SERINC5: variants seen among roughly 807,000 people sequenced by gnomAD.
SERINC5 encodes serine incorporator 5.
Under a neutral mutation model 63.1 loss-of-function variants are expected in SERINC5, and 41 were observed. The ratio of observed to expected loss-of-function variants is 0.65; its 90% CI spans 0.51 to 0.84. The LOEUF is 0.84. Ranked by LOEUF, SERINC5 falls within the 40% of genes least tolerant of loss-of-function variation. The probability of loss-of-function intolerance (pLI) is 0.00; values close to 1 mark genes in which losing one functional copy is unlikely to be tolerated. For missense variants in SERINC5, 523 were observed against 573.0 expected (o/e 0.91, Z 0.89); for synonymous variants, 222 against 215.2 (o/e 1.03, Z -0.28).
chr5:80,210,988 A>G (rs570179578), intron 1 of SERINC5, among the ~76,000 whole-genome samples: 1 of 152,316 alleles, frequency 6.6e-6, no homozygotes, highest in South Asian at 2.1e-4. Flanking sequence ...ACCATCTGCC[A>G]CAGGCATGGA....
intron 1 of SERINC5, among the ~76,000 whole-genome samples, chr5:80,231,445 T>A (rs1751434487): frequency 6.6e-6 from 1 of 152,188 alleles, no homozygotes; most frequent in Non-Finnish European, 1.5e-5. Context: ...ACTGCAGGCC[T>A]TTGTTACTTA....
At chr5:80,115,443 T>C (rs1374548923) in intron 11 of SERINC5, among the ~76,000 whole-genome samples, 1 of 152,088 alleles carries the variant, frequency 6.6e-6, no homozygotes, top group Non-Finnish European at 1.5e-5. Flanking sequence ...TCAATCTTTT[T>C]TGAATTCTCA....
At chr5:80,207,945 CT>C (rs1423638489) in intron 1 of SERINC5, among the ~76,000 whole-genome samples, 1 of 152,144 alleles carries the variant, frequency 6.6e-6, no homozygotes, top group Non-Finnish European at 1.5e-5. Flanking sequence ...AGGAGCATAC[CT>C]TTGAATAAAA....
chr5:80,182,170 C>T (rs994387604), intron 2 of SERINC5, among the ~76,000 whole-genome samples: 2 of 152,116 alleles, frequency 1.3e-5, no homozygotes, highest in Admixed American at 1.3e-4. Context: ...TAGCTGGTGG[C>T]TTTTGTAACT....
chr5:80,116,026 A>C (rs1289567622), intron 11 of SERINC5: 2 of 298,242 alleles, frequency 6.7e-6, no homozygotes, highest in Non-Finnish European at 6.5e-6. Context: ...AGAAATCAAC[A>C]ATCAGGCCTC....
intron 1 of SERINC5, among the ~76,000 whole-genome samples, chr5:80,223,311 T>C (rs143396101): frequency 6.6e-6 from 1 of 152,340 alleles, no homozygotes; most frequent in East Asian, 1.9e-4. Context: ...TTGCATATAA[T>C]CTATGCATAT....
At chr5:80,112,131 C>T (rs1256788483) in intron 12 of SERINC5, among the ~76,000 whole-genome samples, 3 of 152,092 alleles carry the variant, frequency 2.0e-5, no homozygotes, top group Non-Finnish European at 2.9e-5. Context: ...GCCCGACACC[C>T]GTGAAGGGTC....
chr5:80,126,694 T>G (rs993789438), intron 11 of SERINC5, among the ~76,000 whole-genome samples: 1 of 152,222 alleles, frequency 6.6e-6, no homozygotes, highest in African/African-American at 2.4e-5. Flanking sequence ...CTGCCTTTTT[T>G]GTACAAATGA....
chr5:80,243,073 C>T (rs768503897), intron 1 of SERINC5, among the ~76,000 whole-genome samples: 3 of 152,196 alleles, frequency 2.0e-5, no homozygotes, highest in African/African-American at 4.8e-5. Context: ...CGATCTCAGT[C>T]GTGGGCTTTT....
At chr5:80,203,349 G>A (rs946564702) in intron 1 of SERINC5, 44 of 150,518 alleles carry the variant, frequency 2.9e-4, no homozygotes, top group East Asian at 1.8e-3. Context: ...ATACACACAT[G>A]CACATATACA....
At chr5:80,245,410 C>T (rs752708350) in intron 1 of SERINC5, among the ~76,000 whole-genome samples, 1 of 152,168 alleles carries the variant, frequency 6.6e-6, no homozygotes, top group Admixed American at 6.5e-5. Context: ...CCCCCAGCTT[C>T]TACTCCTTTT....
intron 11 of SERINC5, 163 bp from the exon 12 acceptor site, chr5:80,143,973 C>T: frequency 2.3e-6 from 2 of 855,904 alleles, no homozygotes; most frequent in South Asian, 1.7e-5. Flanking sequence ...TTCTCATCAC[C>T]CCCAAAAGAA....
At chr5:80,250,587 A>C (rs141595226) in intron 1 of SERINC5, among the ~76,000 whole-genome samples, 2,682 of 152,296 alleles carry the variant, frequency 0.018, 44 homozygotes, top group Non-Finnish European at 0.026. Flanking sequence ...GAGCCTCCCA[A>C]AGTGCTGGGA....
chr5:80,188,476 C>G (rs1172616643), intron 2 of SERINC5, among the ~76,000 whole-genome samples: 1 of 151,980 alleles, frequency 6.6e-6, no homozygotes, highest in Non-Finnish European at 1.5e-5. Flanking sequence ...GCCACTGTCC[C>G]CAGGTGTGAG....
intron 6 of SERINC5, among the ~76,000 whole-genome samples, chr5:80,167,438 A>G (rs1318666910): frequency 6.6e-6 from 1 of 152,180 alleles, no homozygotes; most frequent in African/African-American, 2.4e-5. Flanking sequence ...GCTACACCGT[A>G]TTCCATAGAT....
chr5:80,229,575 T>C (rs951938062), intron 1 of SERINC5, among the ~76,000 whole-genome samples: 1 of 152,094 alleles, frequency 6.6e-6, no homozygotes, highest in Non-Finnish European at 1.5e-5. Context: ...GGGAGAAATC[T>C]CTTGGCCAGT....
chr5:80,142,162 G>A lies in SERINC5; in HGVS notation c.*1501C>T. ...TCCACCCCGAATGAAATTCTAACAGGAGTTTCCACCAAGTAAACCTTTTCC... is the reference window on the plus strand; with the variant it reads ...TCCACCCCGAATGAAATTCTAACAGAAGTTTCCACCAAGTAAACCTTTTCC... On this transcript the variant is annotated 3_prime_UTR_variant, in exon 12 of 12. Transcript: ENST00000507668. 1 of 985,330 alleles carries A rather than the reference G, an allele frequency of 1.0e-6. No individual in the cohort carries two copies. Among genetic ancestry groups the A allele is most frequent in the Non-Finnish European group, 1.2e-6 (1 of 829,912 alleles). The allele number at this position is 985,330 out of a possible 1,614,324, so 61.0% of individuals were successfully genotyped here.
At chr5:80,252,874 C>T (rs996423136) in intron 1 of SERINC5, among the ~76,000 whole-genome samples, 1 of 152,222 alleles carries the variant, frequency 6.6e-6, no homozygotes, top group East Asian at 1.9e-4. Context: ...TTATGGGTTA[C>T]ATATTGTTCA....
At chr5:80,148,189 C>CTTTTTTTTTTTTTTTT (rs796769914) in intron 9 of SERINC5, among the ~76,000 whole-genome samples, 86 of 102,308 alleles carry the variant, frequency 8.4e-4, no homozygotes, top group Non-Finnish European at 1.2e-3. Flanking sequence ...ATTTTTTATT[C>CTTTTTTTTTTTTTTTT]TTTTTTTTTT....
Sources: gnomAD v4.1 joint callset for allele counts (sites outside exome capture counted in the v4.1 genomes callset) on GRCh38, gnomAD v4.1.1 for gene constraint, MANE v1.5 for transcripts, NCBI Gene and HGNC (gene_info 2026-07-23, HGNC 2026-07-21) for gene names.